Variants in GBE1 observed in about 807,000 individuals in gnomAD.
GBE1 encodes the protein 1,4-alpha-glucan branching enzyme 1, also known as 1,4-alpha-glucan-branching enzyme.
In GBE1, 70 loss-of-function variants were observed where a neutral mutation model predicts 88.8. The ratio of observed to expected loss-of-function variants is 0.79; its 90% CI spans 0.65 to 0.96. The LOEUF is 0.96. GBE1 is among the 40% of genes least tolerant of loss of function. The probability of loss-of-function intolerance (pLI) is 0.00; values close to 1 mark genes in which losing one functional copy is unlikely to be tolerated. For missense variants in GBE1, 872 were observed against 871.0 expected, an observed-to-expected ratio of 1.00 and a Z score of -0.01; for synonymous variants, 284 against 300.1, an observed-to-expected ratio of 0.95 and a Z score of 0.56.
intron 3 of GBE1, among the ~76,000 whole-genome samples, chr3:81,666,729 A>G (rs1226053881): frequency 6.6e-6 from 1 of 152,250 alleles, no homozygotes; most frequent in African/African-American, 2.4e-5. Flanking sequence ...CACTGCCACA[A>G]ACATATCAAT....
chr3:81,538,585 T>C (rs1477473183), intron 12 of GBE1, among the ~76,000 whole-genome samples: 2 of 152,002 alleles, frequency 1.3e-5, no homozygotes, highest in Non-Finnish European at 2.9e-5. Context: ...AAAGGTCCTG[T>C]CTAGGTCTAA....
Position 81,540,875 on chromosome 3 carries a change from T to C in GBE1, c.1619-3780A>G, listed in dbSNP as rs2106877698. Among the ~76,000 whole-genome samples, 2 of 152,156 alleles carry C rather than the reference T, an allele frequency of 1.3e-5. 1 individual carries two copies. Among genetic ancestry groups the C allele is most frequent in the South Asian group, 4.1e-4 (2 of 4,826 alleles). On this transcript the variant is annotated intron_variant, in intron 12 of 15. Transcript: ENST00000429644. ...ATGTTCACCTTGCAAAGCCTCTGAA[T>C]AAGCTCTCAAAGGTTATTTGTAGTT... is the stretch of plus-strand genomic sequence containing the variant.
chr3:81,680,145 C>T (rs189354480), intron 2 of GBE1, among the ~76,000 whole-genome samples: 129 of 152,186 alleles, frequency 8.5e-4, no homozygotes, highest in Admixed American at 5.9e-4. Context: ...TTTACTTGAC[C>T]GGCTGCAAGC....
chr3:81,629,379 T>C (rs1197547261), intron 7 of GBE1, among the ~76,000 whole-genome samples: 1 of 151,940 alleles, frequency 6.6e-6, no homozygotes, highest in Non-Finnish European at 1.5e-5. Flanking sequence ...TATGGCTGCA[T>C]AGTATTCCAT....
intron 7 of GBE1, among the ~76,000 whole-genome samples, chr3:81,614,043 T>G (rs1414866418): frequency 6.6e-6 from 1 of 152,130 alleles, no homozygotes; most frequent in Non-Finnish European, 1.5e-5. Context: ...TTTTGTTTTT[T>G]TAGAGTCAGG....
intron 8 of GBE1, among the ~76,000 whole-genome samples, chr3:81,591,713 G>C (rs934609069): frequency 7.9e-5 from 12 of 151,922 alleles, no homozygotes; most frequent in African/African-American, 2.9e-4. Flanking sequence ...ACTTTGGTTG[G>C]TTATAGTATA....
At chr3:81,495,129 C>G (rs568546764) in intron 15 of GBE1, among the ~76,000 whole-genome samples, 8 of 152,310 alleles carry the variant, frequency 5.3e-5, no homozygotes, top group African/African-American at 1.2e-4. Flanking sequence ...TGGCTCACGC[C>G]TGTAATCCCA....
rs1704133598 is a variant in GBE1, at chr3:81,608,661, A to ACC, written c.993-14639_993-14638insGG. Among the ~76,000 whole-genome samples the ACC allele has an allele frequency of 2.0e-5, 3 of 152,292 alleles. No homozygotes were observed. In the South Asian group the frequency reaches 6.2e-4, roughly 32 times the overall value. The stretch of plus-strand genomic sequence containing the variant: ...ATGATATATCTGTTAACTCCTTAAG[A>ACC]TGATTTCCTCTCCCCTTTGGCTGCT... On this transcript the variant is annotated intron_variant, in intron 7 of 15. Transcript: ENST00000429644.
At chr3:81,607,668 C>A (rs914546890) in intron 7 of GBE1, among the ~76,000 whole-genome samples, 1 of 152,048 alleles carries the variant, frequency 6.6e-6, no homozygotes, top group Non-Finnish European at 1.5e-5. Context: ...TCTTTAATTT[C>A]TTTTGCATAA....
At position 81,642,966 on chromosome 3, in the gene GBE1, T is replaced by C. The variant is rs760271506; in HGVS notation, c.807A>G (p.Leu269=). Residue 269 remains leucine, a synonymous_variant, in exon 7 of 16, where the codon CTA becomes CTG. Transcript: ENST00000429644. The part of the protein sequence containing the change: ...ASSRYGTPEE[L]QELVDTAHSM... The stretch of plus-strand genomic sequence containing the variant: ...AATGAGCTGTGTCTACCAGTTCTTG[T>C]AGCTCTTCAGGTGTTCCATAACGGC... 6.8e-6 allele frequency: 11 copies of C among 1,611,428 alleles called. No individual in the cohort carries two copies. The South Asian group carries it at 8.8e-5, about 13-fold the overall frequency.
At chr3:81,679,642 C>G (rs1198331393) in intron 2 of GBE1, among the ~76,000 whole-genome samples, 1 of 152,188 alleles carries the variant, frequency 6.6e-6, no homozygotes, top group Admixed American at 6.5e-5. Context: ...GCTTTCGATA[C>G]AGTTTTCATT....
chr3:81,565,681 G>A (rs1018255456), intron 12 of GBE1, among the ~76,000 whole-genome samples: 12 of 152,110 alleles, frequency 7.9e-5, no homozygotes, highest in Non-Finnish European at 1.2e-4. Context: ...ACTGCTGAGA[G>A]AGAAAATTGC....
chr3:81,631,696 G>A (rs576682759), intron 7 of GBE1, among the ~76,000 whole-genome samples: 6 of 149,598 alleles, frequency 4.0e-5, no homozygotes, highest in South Asian at 2.1e-4. Flanking sequence ...GTCGTAAGCC[G>A]AGATTGCACC....
At chr3:81,693,233 C>CA (rs139671883) in intron 2 of GBE1, among the ~76,000 whole-genome samples, 2 of 151,128 alleles carry the variant, frequency 1.3e-5, no homozygotes, top group Non-Finnish European at 1.5e-5. Flanking sequence ...AAAATATTAC[C>CA]AAAAAAAATA....
At chr3:81,732,633 T>TA (rs1207989500) in intron 1 of GBE1, among the ~76,000 whole-genome samples, 3 of 152,166 alleles carry the variant, frequency 2.0e-5, no homozygotes, top group Admixed American at 2.0e-4. Flanking sequence ...TATAATTTCT[T>TA]ACCATCACTC....
intron 1 of GBE1, among the ~76,000 whole-genome samples, chr3:81,729,807 T>TCCCTCACCATGTTCTTC (rs1202919472): frequency 1.1e-4 from 17 of 152,112 alleles, no homozygotes; most frequent in African/African-American, 4.1e-4. Flanking sequence ...TCATGGTCTT[T>TCCCTCACCATGTTCTTC]CCCTCACCAT....
At chr3:81,721,222 AAT>A (rs1304889047) in intron 1 of GBE1, among the ~76,000 whole-genome samples, 7 of 106,868 alleles carry the variant, frequency 6.6e-5, no homozygotes, top group African/African-American at 3.0e-4. Flanking sequence ...TAAATAAATA[AAT>A]AAATAAATAA....
At chr3:81,746,631 A>C (rs1323059456) in intron 1 of GBE1, among the ~76,000 whole-genome samples, 1 of 152,228 alleles carries the variant, frequency 6.6e-6, no homozygotes, top group African/African-American at 2.4e-5. Context: ...TAACCACTAC[A>C]GTTATGCAGT....
At chr3:81,633,308 A>G (rs9821350) in intron 7 of GBE1, among the ~76,000 whole-genome samples, 22,235 of 152,142 alleles carry the variant, frequency 0.15, 1,729 homozygotes, top group Non-Finnish European at 0.19. Context: ...CAATTATACA[A>G]GGTAGATAAA....
Sources: gnomAD v4.1 joint callset for allele counts (sites outside exome capture counted in the v4.1 genomes callset) on GRCh38, gnomAD v4.1.1 for gene constraint, MANE v1.5 for transcripts, NCBI Gene and HGNC (gene_info 2026-07-23, HGNC 2026-07-21) for gene names.